Variants in AGAP2 observed in about 807,000 individuals in gnomAD.
AGAP2 encodes arf-GAP with GTPase, ANK repeat and PH domain-containing protein 2.
A neutral mutation model predicts 110.9 loss-of-function variants in AGAP2; 32 were observed. The observed-to-expected ratio is 0.29, with a 90% CI of 0.22 to 0.39. AGAP2 has a LOEUF of 0.39. Ranked by LOEUF, AGAP2 falls within the 10% of genes least tolerant of loss-of-function variation. AGAP2 has a pLI of 1.00. For missense variants in AGAP2, 1,285 were observed against 1,638.5 expected, an observed-to-expected ratio of 0.78 and a Z score of 3.72; for synonymous variants, 702 against 713.0, an observed-to-expected ratio of 0.98 and a Z score of 0.25.
At chr12:57,741,094 T>G (rs964523965), upstream of AGAP2, among the ~76,000 whole-genome samples, 11 of 152,202 alleles carry the variant, frequency 7.2e-5, no homozygotes, top group South Asian at 6.2e-4. Flanking sequence ...GACAGCGAGC[T>G]GGAACAACCT....
chr12:57,732,667 G>T (rs1316158954), intron 6 of AGAP2, among the ~76,000 whole-genome samples, 155 bp from the exon 7 acceptor site: 1 of 152,156 alleles, frequency 6.6e-6, no homozygotes, highest in Admixed American at 6.5e-5. Context: ...AGCTCCTCCA[G>T]CCCAGAAAGA....
chr12:57,735,890 G>A (rs1376017430), intron 1 of AGAP2, among the ~76,000 whole-genome samples: 1 of 152,136 alleles, frequency 6.6e-6, no homozygotes, highest in Non-Finnish European at 1.5e-5. Context: ...AGAAACTGAG[G>A]TGAGGGGTTT....
chr12:57,737,266 C>T lies in AGAP2; in HGVS notation c.981G>A (p.Gly327=). 6.2e-7 allele frequency: 1 copy of T among 1,613,204 alleles called. No homozygotes were observed. The highest frequency in any genetic ancestry group is 8.5e-7 in the Non-Finnish European group (1 of 1,179,716). The part of the protein sequence containing the change: ...PPITLEPPAP[G]LKRGREGGRA... ...GGCCCCCCTCCCGGCCCCGTTTCAG[C>T]CCCGGAGCTGGAGGCTCCAGAGTGA... Residue 327 remains glycine, a synonymous_variant, in exon 1 of 19, where the codon GGG becomes GGA. Transcript: ENST00000547588. The surrounding 1 kb of genome is among the most constrained non-coding windows in gnomAD (Gnocchi z 5.9).
chr12:57,741,967 C>T, upstream of AGAP2: 1 of 1,614,174 alleles, frequency 6.2e-7, no homozygotes, highest in Non-Finnish European at 8.5e-7. Context: ...GGTCGTCCAC[C>T]CTCTCTGCCA....
chr12:57,737,996 C>A lies in AGAP2; in HGVS notation c.251G>T (p.Gly84Val). The A allele has an allele frequency of 6.8e-7, 1 of 1,475,764 alleles. No homozygotes were observed. Among genetic ancestry groups the A allele is most frequent in the South Asian group, 1.3e-5 (1 of 76,586 alleles). The allele number at this position is 1,475,764 out of a possible 1,614,324, so 91.4% of individuals were successfully genotyped here. ...GGCTGGGGGCTCCGCGCCCCCGGTG[C>A]CCGCGCTGCTCGTGCTGATCCACAG... ...DALWISTSSA[G>V]TGGAEPPALS... The change falls in exon 1 of 19, where the codon GGC (glycine) becomes GTC (valine). Residue 84 changes from glycine (G) to valine (V), a missense_variant. By Grantham distance (109) the Gly-to-Val change is moderately radical. Around this residue, in one of 7 missense-constraint regions of AGAP2, gnomAD observed 844 missense variants for 941.2 expected, o/e 0.90. Coordinates refer to ENST00000547588, the MANE Select transcript of AGAP2 (RefSeq NM_001122772.3). This position sits in a 1 kb window ranked among gnomAD's most constrained non-coding sequence, Gnocchi z 5.9.
chr12:57,735,408 C>T lies in AGAP2; in HGVS notation c.1188G>A (p.Gln396=), dbSNP rs2140364318. Residue 396 remains glutamine (Q), a synonymous_variant, in exon 2 of 19, where the codon CAG becomes CAA. Transcript: ENST00000547588. ...GAATGGAGCGGCTCAAAGTCCATTCCTGGCTATTGATCACAGCCTCTGTAA... is the reference window on the plus strand; with the variant it reads ...GAATGGAGCGGCTCAAAGTCCATTCTTGGCTATTGATCACAGCCTCTGTAA... The part of the protein sequence containing the change: ...RASPKAVINS[Q]EWTLSRSIPE... 6.2e-7 allele frequency: 1 copy of T among 1,613,858 alleles called. No individual in the cohort carries two copies. The highest frequency in any genetic ancestry group is 1.7e-5 in the Admixed American group (1 of 60,014).
In AGAP2 at chr12:57,737,278, A is replaced by G. The variant is rs1412087634; in HGVS notation, c.969T>C (p.Pro323=). 4 of 1,613,374 alleles carry G rather than the reference A, an allele frequency of 2.5e-6. No homozygotes were observed. Among genetic ancestry groups the G allele is most frequent in the Non-Finnish European group, 3.4e-6 (4 of 1,179,746 alleles). ...GGCCCCGTTTCAGCCCCGGAGCTGG[A>G]GGCTCCAGAGTGATTGGAGGTGCAG... is the stretch of plus-strand genomic sequence containing the variant. ...PGPAPPITLE[P]PAPGLKRGRE... Residue 323 remains proline (P), a synonymous_variant, in exon 1 of 19, where the codon CCT becomes CCC. Transcript: ENST00000547588. The surrounding 1 kb of genome is among the most constrained non-coding windows in gnomAD (Gnocchi z 5.9).
intron 6 of AGAP2, 86 bp downstream of exon 6, chr12:57,732,759 G>A: frequency 6.3e-7 from 1 of 1,579,574 alleles, no homozygotes; most frequent in Non-Finnish European, 8.6e-7. Context: ...GTCACTCACA[G>A]AGAGAGGCCT....
intron 2 of AGAP2, 34 bp from the exon 3 acceptor site, chr12:57,734,713 A>G: frequency 6.2e-7 from 1 of 1,604,014 alleles, no homozygotes; most frequent in Non-Finnish European, 8.5e-7. Flanking sequence ...AAATTGTGGG[A>G]TATAAGAGAA....
chr12:57,736,123 AC>A (rs1445911925), intron 1 of AGAP2, among the ~76,000 whole-genome samples: 1 of 149,990 alleles, frequency 6.7e-6, no homozygotes, highest in Non-Finnish European at 1.5e-5. Context: ...CGCGCCTGAC[AC>A]CGGCCGGACG....
At chr12:57,733,318 A>G (rs1392850545) in intron 5 of AGAP2, among the ~76,000 whole-genome samples, 1 of 152,080 alleles carries the variant, frequency 6.6e-6, no homozygotes, top group Non-Finnish European at 1.5e-5. Flanking sequence ...AAATCCATAG[A>G]ACCCTGAACT....
chr12:57,726,571 G>T lies in AGAP2; in HGVS notation c.3560C>A (p.Ala1187Asp), dbSNP rs758598178. The T allele has an allele frequency of 6.5e-5, 78 of 1,208,336 alleles. No homozygotes were observed. Among genetic ancestry groups the T allele is most frequent in the Non-Finnish European group, 7.6e-5 (74 of 972,086 alleles). The allele number at this position is 1,208,336 out of a possible 1,614,324, so 74.9% of individuals were successfully genotyped here. Reference protein sequence around the residue: ...SSAASVGRADAPVALV With the variant: ...SSAASVGRADDPVALV ...GGGCAACTATACCAGCGCAACCGGG[G>T]CGTCGGCGCGGCCCACGCTAGCGGC... The change falls in exon 19 of 19, where the codon GCC (alanine) becomes GAC (aspartate). Residue 1187 changes from alanine to aspartate, a missense_variant. By Grantham distance (126) the Ala-to-Asp change is moderately radical. Transcript: ENST00000547588. The surrounding 1 kb of genome is among the most constrained non-coding windows in gnomAD (Gnocchi z 5.7).
At chr12:57,740,626 T>C (rs567474584), upstream of AGAP2, among the ~76,000 whole-genome samples, 3 of 152,198 alleles carry the variant, frequency 2.0e-5, no homozygotes, top group African/African-American at 7.2e-5. Flanking sequence ...TTATTATTAT[T>C]ATCATTATTA....
At chr12:57,741,834 G>T, upstream of AGAP2, 1 of 1,508,662 alleles carries the variant, frequency 6.6e-7, no homozygotes, top group South Asian at 1.2e-5. Flanking sequence ...ACTGGGAATT[G>T]ATATATGATA....
At chr12:57,724,668 A>G (rs983436336), downstream of AGAP2, 2 of 152,122 alleles carry the variant, frequency 1.3e-5, no homozygotes, top group Non-Finnish European at 1.5e-5. Flanking sequence ...CCCCTACTCT[A>G]TGTTCTACTC....
chr12:57,736,170 G>C (rs552671845), intron 1 of AGAP2, among the ~76,000 whole-genome samples: 1 of 151,964 alleles, frequency 6.6e-6, no homozygotes, highest in Non-Finnish European at 1.5e-5. Flanking sequence ...GGAACTCTGG[G>C]ATCCGGAGCC....
Position 57,727,370 on chromosome 12 carries a change from C to A in AGAP2, c.3070G>T (p.Asp1024Tyr). The change falls in exon 17 of 19, where the codon GAC becomes TAC. Residue 1024 changes from aspartate (D) to tyrosine (Y), a missense_variant. This residue lies in a region of AGAP2 where 201 missense variants were observed against 276.1 expected (regional missense o/e 0.73). Transcript: ENST00000547588. ...DTRGRAKPSR[D>Y]SSREERESWI... ...TTCCCTCACGCTTACCGCGAAGAGTCCCGCGAGGGCTTGGCACGGCCTCGC... is the reference window on the plus strand; with the variant it reads ...TTCCCTCACGCTTACCGCGAAGAGTACCGCGAGGGCTTGGCACGGCCTCGC... The A allele has an allele frequency of 1.2e-6, 2 of 1,610,592 alleles. No homozygotes were observed. The highest frequency in any genetic ancestry group is 1.7e-6 in the Non-Finnish European group (2 of 1,178,772).
chr12:57,728,234 C>T (rs1287299420), intron 14 of AGAP2, 84 bp downstream of exon 14: 4 of 1,545,698 alleles, frequency 2.6e-6, no homozygotes, highest in East Asian at 4.5e-5. Flanking sequence ...CAGCAGGAAG[C>T]CCGAGCACAT....
Position 57,727,111 on chromosome 12 carries a change from C to A in AGAP2, c.3199G>T (p.Val1067Leu). The change falls in exon 18 of 19, where the codon GTG (valine) becomes TTG (leucine). Residue 1067 changes from valine to leucine, a missense_variant. Val to Leu is a conservative substitution (Grantham distance 32). Coordinates refer to ENST00000547588, the MANE Select transcript of AGAP2 (RefSeq NM_001122772.3). ...GCCAAAAGCAGGAGAACGGTAGCCA[C>A]GTCCTGGGCCTGCACGGCGGCCCAC... is the stretch of plus-strand genomic sequence containing the variant. ...QLWAAVQAQD[V>L]ATVLLLLAHA... is the part of the protein sequence containing the mutation. 1 of 1,596,056 alleles carries A rather than the reference C, an allele frequency of 6.3e-7. No homozygotes were observed. The highest frequency in any genetic ancestry group is 1.3e-5 in the African/African-American group (1 of 74,906).
Sources: gnomAD v4.1 joint callset for allele counts (sites outside exome capture counted in the v4.1 genomes callset) on GRCh38, gnomAD v4.1.1 for gene constraint, gnomAD v4.1.1 regional missense constraint, Gnocchi (gnomAD v3.1) non-coding constraint, MANE v1.5 for transcripts, NCBI Gene and HGNC (gene_info 2026-07-23, HGNC 2026-07-21) for gene names.